The following KCNT2 variants were observed in gnomAD, a reference collection of about 807,000 sequenced individuals.
The protein encoded by KCNT2 is potassium channel subfamily T member 2.
In KCNT2, 67 loss-of-function variants were observed where a neutral mutation model predicts 153.8. That is an observed-to-expected ratio of 0.44 (90% CI 0.36 to 0.53). The LOEUF (loss-of-function observed/expected upper bound fraction) is 0.53, where lower values mean the gene tolerates loss of function less well. Ranked by LOEUF, KCNT2 falls within the 20% of genes least tolerant of loss-of-function variation. The pLI is 0.00. For missense variants in KCNT2, 975 were observed against 1,354.8 expected, an observed-to-expected ratio of 0.72 and a Z score of 4.40; for synonymous variants, 500 against 458.8, an observed-to-expected ratio of 1.09 and a Z score of -1.15.
At chr1:196,451,045 G>A (rs1676117105) in intron 8 of KCNT2, among the ~76,000 whole-genome samples, 3 of 151,138 alleles carry the variant, frequency 2.0e-5, no homozygotes, top group African/African-American at 7.3e-5. Context: ...TTTATTAGCT[G>A]ACATTATATA....
At chr1:196,455,028 G>A (rs1676538163) in intron 8 of KCNT2, among the ~76,000 whole-genome samples, 1 of 151,958 alleles carries the variant, frequency 6.6e-6, no homozygotes, top group Non-Finnish European at 1.5e-5. Flanking sequence ...TCACCTTCTA[G>A]TGGACTCTTG....
intron 23 of KCNT2, among the ~76,000 whole-genome samples, chr1:196,283,701 A>G (rs1047638043): frequency 2.6e-5 from 4 of 152,190 alleles, no homozygotes; most frequent in African/African-American, 7.2e-5. Flanking sequence ...TTACTAATTC[A>G]GAAGTCCTCT....
At chr1:196,541,748 T>C (rs1656400836) in intron 1 of KCNT2, among the ~76,000 whole-genome samples, 1 of 152,122 alleles carries the variant, frequency 6.6e-6, no homozygotes. Flanking sequence ...TTGCACAGGA[T>C]TTATTATTAA....
At chr1:196,231,314 T>C (rs1042912666) in intron 27 of KCNT2, among the ~76,000 whole-genome samples, 4 of 151,930 alleles carry the variant, frequency 2.6e-5, no homozygotes, top group Non-Finnish European at 4.4e-5. Context: ...CTGGCTTGAT[T>C]GCAATATTCA....
At chr1:196,356,864 A>G (rs1476131753) in intron 14 of KCNT2, among the ~76,000 whole-genome samples, 1 of 151,868 alleles carries the variant, frequency 6.6e-6, no homozygotes, top group Non-Finnish European at 1.5e-5. Context: ...AATTCGAAGA[A>G]AACAATTCAA....
At chr1:196,250,950 C>A (rs75363296) in intron 26 of KCNT2, among the ~76,000 whole-genome samples, 7,548 of 152,074 alleles carry the variant, frequency 0.05, 284 homozygotes, top group Non-Finnish European at 0.071. Context: ...TAAATGCTTT[C>A]ATCCAAAATA....
intron 14 of KCNT2, among the ~76,000 whole-genome samples, chr1:196,352,393 G>A (rs1666793483): frequency 6.6e-6 from 1 of 151,738 alleles, no homozygotes; most frequent in Admixed American, 6.6e-5. Context: ...TCCTGTTATT[G>A]GTCTATTCAG....
intron 13 of KCNT2, among the ~76,000 whole-genome samples, chr1:196,388,413 T>A: frequency 6.6e-6 from 1 of 151,700 alleles, no homozygotes; most frequent in East Asian, 1.9e-4. Context: ...TTATTTAAAA[T>A]AAGATTATTA....
At chr1:196,286,812 T>C (rs1274475079) in intron 22 of KCNT2, among the ~76,000 whole-genome samples, 1 of 152,074 alleles carries the variant, frequency 6.6e-6, no homozygotes, top group East Asian at 1.9e-4. Flanking sequence ...TTAGAAGAGT[T>C]TCTTGAGAAT....
rs920131399 is a variant in KCNT2 at position 196,563,555 on chromosome 1, A to G, written c.95+44660T>C. Among the ~76,000 whole-genome samples, 6 of 151,954 alleles carry G rather than the reference A, an allele frequency of 3.9e-5. 1 individual carries two copies. Among genetic ancestry groups the G allele is most frequent in the Admixed American group, 6.6e-5 (1 of 15,218 alleles). On this transcript the variant is annotated intron_variant, in intron 1 of 27. Transcript: ENST00000294725. ...AACATTACCTTCATACCAAAAATAG[A>G]CAAAGAAACTACAAGAAAAGAAAAT...
intron 1 of KCNT2, among the ~76,000 whole-genome samples, chr1:196,580,391 G>A (rs1661887205): frequency 6.6e-6 from 1 of 152,148 alleles, no homozygotes; most frequent in Admixed American, 6.5e-5. Flanking sequence ...GGATCTGAGA[G>A]TGTTTCTTTC....
rs546891139 is a variant in KCNT2, at chr1:196,250,190, A to G, written c.3211+8004T>C. On this transcript the variant is annotated intron_variant, in intron 26 of 27. Transcript: ENST00000294725. ...TGGCAGAATCACATTACCTGACTTC[A>G]TATTATACTACGGAGCTAAAGTAAC... Among the ~76,000 whole-genome samples the G allele has an allele frequency of 5.3e-5, 8 of 152,288 alleles. No homozygotes were observed. The South Asian group carries it at 8.3e-4, about 16-fold the overall frequency.
chr1:196,242,868 A>G (rs867635065), intron 26 of KCNT2, among the ~76,000 whole-genome samples: 1 of 152,192 alleles, frequency 6.6e-6, no homozygotes, highest in African/African-American at 2.4e-5. Flanking sequence ...TAAACATATC[A>G]TTGAAGTTAT....
At chr1:196,585,507 C>G (rs1158824795) in intron 1 of KCNT2, among the ~76,000 whole-genome samples, 1 of 151,794 alleles carries the variant, frequency 6.6e-6, no homozygotes, top group African/African-American at 2.4e-5. Context: ...TCCACTCAGT[C>G]GATAATTCAA....
chr1:196,556,269 C>T (rs986602054), intron 1 of KCNT2, among the ~76,000 whole-genome samples: 1 of 151,264 alleles, frequency 6.6e-6, no homozygotes, highest in African/African-American at 2.4e-5. Flanking sequence ...AGATTAATAA[C>T]CAAAATATAA....
At chr1:196,504,794 G>T (rs534908550) in intron 1 of KCNT2, among the ~76,000 whole-genome samples, 1 of 152,138 alleles carries the variant, frequency 6.6e-6, no homozygotes, top group Non-Finnish European at 1.5e-5. Flanking sequence ...GTGTGAGATG[G>T]TATCTCATTG....
chr1:196,288,715 C>T (rs1265779034), intron 22 of KCNT2, among the ~76,000 whole-genome samples: 1 of 152,042 alleles, frequency 6.6e-6, no homozygotes, highest in African/African-American at 2.4e-5. Context: ...GAGGATGATA[C>T]ACAGGTCTCT....
Position 196,490,925 on chromosome 1 carries a change from G to GT in KCNT2, c.176-989dup, listed in dbSNP as rs1424918128. ...TTTTTGTCCTACTCTGCTGTTGTGA[G>GT]TGTACTTGTGGTAACAGTTCTTACC... On this transcript the variant is annotated intron_variant, in intron 2 of 27. Transcript: ENST00000294725. 5.3e-5 allele frequency among the ~76,000 whole-genome samples: 8 copies of GT among 152,106 alleles called. No homozygotes were observed. In the East Asian group the frequency reaches 1.5e-3, roughly 29 times the overall value.
intron 14 of KCNT2, among the ~76,000 whole-genome samples, chr1:196,350,174 C>T (rs984460720): frequency 1.3e-5 from 2 of 152,080 alleles, no homozygotes; most frequent in African/African-American, 4.8e-5. Flanking sequence ...CATACGTGTG[C>T]ATGTGTCTTT....
Sources: gnomAD v4.1 joint callset for allele counts (sites outside exome capture counted in the v4.1 genomes callset) on GRCh38, gnomAD v4.1.1 for gene constraint, MANE v1.5 for transcripts, NCBI Gene and HGNC (gene_info 2026-07-23, HGNC 2026-07-21) for gene names.